Variants in MRTFA observed in about 807,000 individuals in gnomAD.
MRTFA encodes the protein myocardin related transcription factor A.
MRTFA carries 20 observed loss-of-function variants against 83.5 expected under a neutral mutation model. The ratio of observed to expected loss-of-function variants is 0.24; its 90% CI spans 0.17 to 0.35. The LOEUF is 0.35. MRTFA is among the 10% of genes least tolerant of loss of function. MRTFA has a pLI of 1.00. For missense variants in MRTFA, 1,200 were observed against 1,224.7 expected, an observed-to-expected ratio of 0.98 and a Z score of 0.30; for synonymous variants, 659 against 541.2, an observed-to-expected ratio of 1.22 and a Z score of -3.02.
At chr22:40,531,035 T>C (rs1034006686) in intron 3 of MRTFA, among the ~76,000 whole-genome samples, 17 of 152,156 alleles carry the variant, frequency 1.1e-4, no homozygotes, top group Admixed American at 6.5e-4. Context: ...ATAATCTAAT[T>C]AGGAAGACAT....
intron 3 of MRTFA, among the ~76,000 whole-genome samples, chr22:40,478,494 C>A (rs1188147256): frequency 6.6e-6 from 1 of 152,156 alleles, no homozygotes; most frequent in Non-Finnish European, 1.5e-5. Context: ...CCACGGAGGG[C>A]CTTTTCCTCT....
intron 14 of MRTFA, chr22:40,412,175 G>C: frequency 3.3e-6 from 1 of 303,654 alleles, no homozygotes; most frequent in Non-Finnish European, 6.0e-6. Context: ...ATAGGTAAAA[G>C]AAAGATTTGA....
intron 1 of MRTFA, among the ~76,000 whole-genome samples, chr22:40,603,741 G>T (rs532660699): frequency 3.7e-4 from 56 of 150,842 alleles, no homozygotes; most frequent in Middle Eastern, 3.4e-3. Flanking sequence ...AAACAAGATT[G>T]GTCACATGTT....
At chr22:40,440,437 A>T (rs1013324380) in intron 4 of MRTFA, among the ~76,000 whole-genome samples, 4 of 152,186 alleles carry the variant, frequency 2.6e-5, no homozygotes, top group African/African-American at 9.7e-5. Context: ...TCAGTCCCTG[A>T]GTAGGCCAGC....
chr22:40,603,755 A>G (rs1602484901), intron 1 of MRTFA, among the ~76,000 whole-genome samples: 1 of 151,024 alleles, frequency 6.6e-6, no homozygotes, highest in East Asian at 2.0e-4. Context: ...ACATGTTGAA[A>G]AAAAAAATTT....
intron 14 of MRTFA, among the ~76,000 whole-genome samples, chr22:40,413,722 C>T (rs1470469352): frequency 3.3e-5 from 5 of 152,102 alleles, no homozygotes; most frequent in Admixed American, 6.5e-5. Flanking sequence ...GGATTACAGG[C>T]GTGAGCTACC....
intron 3 of MRTFA, among the ~76,000 whole-genome samples, chr22:40,476,323 G>A (rs1006018557): frequency 6.6e-6 from 1 of 152,128 alleles, no homozygotes; most frequent in Non-Finnish European, 1.5e-5. Flanking sequence ...GAAGACAGAT[G>A]TCTCTGTGTT....
intron 4 of MRTFA, among the ~76,000 whole-genome samples, chr22:40,462,013 T>G (rs1246756810): frequency 6.6e-6 from 1 of 152,178 alleles, no homozygotes; most frequent in Non-Finnish European, 1.5e-5. Context: ...CTGAGCCCTC[T>G]TCCTGCTTTC....
At chr22:40,550,904 T>A (rs190688823) in intron 3 of MRTFA, among the ~76,000 whole-genome samples, 1,607 of 149,350 alleles carry the variant, frequency 0.011, 19 homozygotes, top group South Asian at 0.033. Context: ...CAGGCTGGAG[T>A]GCAGTGGCGC....
intron 14 of MRTFA, among the ~76,000 whole-genome samples, chr22:40,414,227 C>T (rs2092163): frequency 0.13 from 19,866 of 152,100 alleles, 2,113 homozygotes; most frequent in Admixed American, 0.33. Flanking sequence ...CCTGTAGTCC[C>T]GGCTACTCGA....
intron 12 of MRTFA, among the ~76,000 whole-genome samples, chr22:40,418,098 G>A (rs983375289): frequency 7.2e-5 from 11 of 152,182 alleles, no homozygotes; most frequent in Admixed American, 2.6e-4. Context: ...GCCTGGGTAC[G>A]GGCTGCTCAG....
chr22:40,537,778 G>GC lies in MRTFA; in HGVS notation c.241+14327dup, dbSNP rs2055209782. On this transcript the variant is annotated intron_variant, in intron 3 of 14. Coordinates refer to ENST00000355630, the MANE Select transcript of MRTFA (RefSeq NM_020831.6). The stretch of plus-strand genomic sequence containing the variant: ...GTCCGGGAGGGAGGTGGGGGGGTCA[G>GC]CCCCCCGCCTGGCCAGCCGCCCCGT... Among the ~76,000 whole-genome samples, 5 of 30,350 alleles carry GC rather than the reference G, an allele frequency of 1.6e-4. No homozygotes were observed. The South Asian group carries it at 3.4e-3, about 20-fold the overall frequency. 19.9% of individuals were successfully genotyped at this position (30,350 alleles called of 152,430 possible). A position where few individuals can be genotyped will look rare whatever the true frequency, so the allele number is the denominator to read the frequency against.
intron 14 of MRTFA, among the ~76,000 whole-genome samples, chr22:40,414,110 G>A (rs1398746017): frequency 6.6e-6 from 1 of 152,146 alleles, no homozygotes; most frequent in Non-Finnish European, 1.5e-5. Context: ...AGGCCGAGGC[G>A]GGCAGACTGC....
intron 2 of MRTFA, among the ~76,000 whole-genome samples, chr22:40,562,668 G>A (rs1602433160): frequency 1.3e-5 from 1 of 79,934 alleles, no homozygotes; most frequent in East Asian, 4.7e-4. Context: ...AGAAAGGAGG[G>A]AAAGGGGGAA....
chr22:40,582,225 C>A (rs1276587847), intron 2 of MRTFA, among the ~76,000 whole-genome samples: 6 of 152,180 alleles, frequency 3.9e-5, no homozygotes, highest in Admixed American at 3.9e-4. Context: ...AAGGTTTATC[C>A]ATGTTGAAGC....
At chr22:40,475,509 C>A (rs1822367776) in intron 3 of MRTFA, among the ~76,000 whole-genome samples, 1 of 151,966 alleles carries the variant, frequency 6.6e-6, no homozygotes, top group South Asian at 2.1e-4. Context: ...TGCACTCCAG[C>A]CTGGGCAACA....
intron 9 of MRTFA, among the ~76,000 whole-genome samples, chr22:40,422,414 A>G (rs2052860358): frequency 6.6e-6 from 1 of 152,162 alleles, no homozygotes; most frequent in African/African-American, 2.4e-5. Context: ...GAGTGTGAGG[A>G]GAAGCACATT....
chr22:40,512,218 T>C (rs935337395), intron 3 of MRTFA, among the ~76,000 whole-genome samples: 2 of 152,212 alleles, frequency 1.3e-5, no homozygotes, highest in African/African-American at 4.8e-5. Context: ...CTTTTTGCTA[T>C]CCAAGAGTGT....
intron 4 of MRTFA, among the ~76,000 whole-genome samples, chr22:40,449,285 A>G (rs577544100): frequency 2.2e-4 from 33 of 151,592 alleles, no homozygotes; most frequent in African/African-American, 6.3e-4. Context: ...AAAAAAAAAA[A>G]AAAAAAGAAA....
Sources: gnomAD v4.1 joint callset for allele counts (sites outside exome capture counted in the v4.1 genomes callset) on GRCh38, gnomAD v4.1.1 for gene constraint, MANE v1.5 for transcripts, NCBI Gene and HGNC (gene_info 2026-07-23, HGNC 2026-07-21) for gene names.